Variants in ZBTB41 observed in about 807,000 individuals in gnomAD.
The protein encoded by ZBTB41 is zinc finger and BTB domain containing 41, also known as zinc finger and BTB domain-containing protein 41.
ZBTB41 carries 42 observed loss-of-function variants against 87.6 expected under a neutral mutation model. The observed-to-expected ratio is 0.48, with a 90% CI of 0.37 to 0.62. The LOEUF (loss-of-function observed/expected upper bound fraction) is 0.62. ZBTB41 is among the 20% of genes least tolerant of loss of function. The pLI is 0.00. For missense variants in ZBTB41, 799 were observed against 1,078.9 expected (o/e 0.74, Z 3.63); for synonymous variants, 364 against 364.0 (o/e 1.00, Z 0.00).
In ZBTB41 at chr1:197,200,527, TAAAGG is replaced by T; in HGVS notation, c.-59_-55del. ...CTTCATAAGTGTCTTAAGTGATTTA[TAAAGG>T]AAAACTAGATTGTCTTGGATAACAG... is the stretch of plus-strand genomic sequence containing the variant. On this transcript the variant is annotated 5_prime_UTR_variant, in exon 2 of 11. Coordinates refer to ENST00000367405, the MANE Select transcript of ZBTB41 (RefSeq NM_194314.3). 4.0e-6 allele frequency: 6 copies of T among 1,494,532 alleles called. No individual in the cohort carries two copies. The highest frequency in any genetic ancestry group is 5.3e-6 in the Non-Finnish European group (6 of 1,124,640). The allele number at this position is 1,494,532 out of a possible 1,614,324, so 92.6% of individuals were successfully genotyped here.
rs1344296587 is a variant in ZBTB41, at chr1:197,190,850, A to C, written c.1329-19T>G. ...ATGAAATCTATCAGAGGAAAAGAAAAAGATTATTAGGAAAAGGTTATATTA... is the reference window on the plus strand; with the variant it reads ...ATGAAATCTATCAGAGGAAAAGAAACAGATTATTAGGAAAAGGTTATATTA... On this transcript the variant is annotated intron_variant, in intron 3 of 10. Transcript: ENST00000367405. 7.4e-6 allele frequency: 11 copies of C among 1,491,956 alleles called. No individual in the cohort carries two copies. The highest frequency in any genetic ancestry group is 1.0e-5 in the Non-Finnish European group (11 of 1,085,686). 92.4% of individuals were successfully genotyped at this position (1,491,956 alleles called of 1,614,324 possible).
intron 8 of ZBTB41, among the ~76,000 whole-genome samples, chr1:197,176,191 C>T (rs1184132015): frequency 6.6e-6 from 1 of 151,972 alleles, no homozygotes; most frequent in Middle Eastern, 3.2e-3. Context: ...TAAGTTTCAC[C>T]AACTTCTTCT....
intron 10 of ZBTB41, among the ~76,000 whole-genome samples, chr1:197,166,562 T>G (rs1444690967): frequency 6.6e-6 from 1 of 151,962 alleles, no homozygotes; most frequent in Non-Finnish European, 1.5e-5. Context: ...AATCTTTAAT[T>G]AGGCCCAGCA....
Position 197,157,364 on chromosome 1 carries a change from T to C in ZBTB41, c.*1995A>G, listed in dbSNP as rs1659090008. The C allele has an allele frequency of 6.6e-6, 1 of 151,742 alleles. No homozygotes were observed. The allele number at this position is 151,742 out of a possible 1,614,324, so 9.4% of individuals were successfully genotyped here. On this transcript the variant is annotated 3_prime_UTR_variant, in exon 11 of 11. Coordinates refer to ENST00000367405, the MANE Select transcript of ZBTB41 (RefSeq NM_194314.3). The stretch of plus-strand genomic sequence containing the variant: ...TCTGCCTTTTTATAAGTCTAAACTT[T>C]TCTACATTAGCTTATATGTAAGGCA...
chr1:197,160,987 T>C (rs1398770308), intron 10 of ZBTB41, among the ~76,000 whole-genome samples: 1 of 152,098 alleles, frequency 6.6e-6, no homozygotes, highest in African/African-American at 2.4e-5. Flanking sequence ...CTATAAGATG[T>C]GAAAGGCTCT....
rs1480474337 is a variant in ZBTB41 at position 197,158,575 on chromosome 1, C to T, written c.*784G>A. On this transcript the variant is annotated 3_prime_UTR_variant, in exon 11 of 11. Coordinates refer to ENST00000367405, the MANE Select transcript of ZBTB41 (RefSeq NM_194314.3). ...TAGTAAAGTACAAAAGGTGAACTTA[C>T]CTTGAAAAACATCTAGTTAAAACTC... 1 of 152,206 alleles carries T rather than the reference C, an allele frequency of 6.6e-6. No homozygotes were observed. Among genetic ancestry groups the T allele is most frequent in the Non-Finnish European group, 1.5e-5 (1 of 67,926 alleles). The allele number at this position is 152,206 out of a possible 1,614,324, so 9.4% of individuals were successfully genotyped here. A position where few individuals can be genotyped will look rare whatever the true frequency, so the allele number is the denominator to read the frequency against.
At chr1:197,168,073 G>A (rs1254003633) in intron 10 of ZBTB41, among the ~76,000 whole-genome samples, 2 of 151,846 alleles carry the variant, frequency 1.3e-5, no homozygotes, top group Non-Finnish European at 2.9e-5. Flanking sequence ...CAAGGTCACT[G>A]GATAAAAAGT....
rs941424093 is a variant in ZBTB41, at chr1:197,201,236, C to A, written c.-131G>T. On this transcript the variant is annotated 5_prime_UTR_variant, in exon 1 of 11. Coordinates refer to ENST00000367405, the MANE Select transcript of ZBTB41 (RefSeq NM_194314.3). ...CAGATCCATTACCGGGAACCCAAGG[C>A]TCCCCCGCTGGCTCCCAGCAGCTGA... 1.3e-5 allele frequency among the ~76,000 whole-genome samples: 2 copies of A among 152,236 alleles called. No individual in the cohort carries two copies. Among genetic ancestry groups the A allele is most frequent in the Non-Finnish European group, 2.9e-5 (2 of 68,042 alleles).
At chr1:197,177,950 CTT>C (rs1571656370) in intron 7 of ZBTB41, among the ~76,000 whole-genome samples, 1 of 151,918 alleles carries the variant, frequency 6.6e-6, no homozygotes, top group Non-Finnish European at 1.5e-5. Flanking sequence ...TAGAAAAAAA[CTT>C]TTCATAAACT....
intron 4 of ZBTB41, 137 bp from the exon 5 acceptor site, chr1:197,188,576 C>A (rs1571664827): frequency 3.6e-6 from 3 of 842,036 alleles, no homozygotes; most frequent in Non-Finnish European, 5.2e-6. Context: ...AAGTAAAATT[C>A]AATTCTAATT....
At chr1:197,197,644 C>T (rs758592949) in intron 2 of ZBTB41, among the ~76,000 whole-genome samples, 1 of 151,902 alleles carries the variant, frequency 6.6e-6, no homozygotes, top group Non-Finnish European at 1.5e-5. Context: ...TAAATCAGCA[C>T]CTCAATCTTG....
chr1:197,172,115 C>G, intron 10 of ZBTB41, 45 bp downstream of exon 10: 3 of 756,684 alleles, frequency 4.0e-6, no homozygotes, highest in Non-Finnish European at 5.7e-6. Context: ...CTATATATAT[C>G]TCTCTCTATA....
At chr1:197,180,333 G>A (rs889051094) in intron 6 of ZBTB41, among the ~76,000 whole-genome samples, 1 of 152,066 alleles carries the variant, frequency 6.6e-6, no homozygotes, top group Non-Finnish European at 1.5e-5. Flanking sequence ...CTCTATATTT[G>A]TGTGATGACA....
In ZBTB41 at chr1:197,189,227, A is replaced by G. The variant is rs188091271; in HGVS notation, c.1399-788T>C. Among the ~76,000 whole-genome samples the G allele has an allele frequency of 9.8e-5, 15 of 152,292 alleles. No homozygotes were observed. The East Asian group carries it at 2.9e-3, about 29-fold the overall frequency. On this transcript the variant is annotated intron_variant, in intron 4 of 10. Transcript: ENST00000367405. The stretch of plus-strand genomic sequence containing the variant: ...AAATAACAGCTAGGGATGCCTTAAA[A>G]AAGATTAACCTAGGCTGGGCACAGC...
chr1:197,177,494 G>T (rs1050760487), intron 7 of ZBTB41, among the ~76,000 whole-genome samples: 2 of 152,052 alleles, frequency 1.3e-5, no homozygotes, highest in Admixed American at 1.3e-4. Flanking sequence ...AAATAATGGA[G>T]AATCTGTCCT....
rs1216027198 is a variant in ZBTB41, at chr1:197,159,817, T to C, written c.2272A>G (p.Thr758Ala). ...EIKSPDDPLS[T>A]SEEKLVSLPV... is the part of the protein sequence containing the mutation. ...AAGGATACAAGTTTTTCCTCAGAAG[T>C]ACTGAGAGGATCATCAGGAGATTTT... The change falls in exon 11 of 11, where the codon ACT becomes GCT. Residue 758 changes from threonine to alanine, a missense_variant. Thr to Ala is a moderately conservative substitution (Grantham distance 58, BLOSUM62 0). Transcript: ENST00000367405. 2 of 1,614,010 alleles carry C rather than the reference T, an allele frequency of 1.2e-6. No individual in the cohort carries two copies. The highest frequency in any genetic ancestry group is 1.7e-6 in the Non-Finnish European group (2 of 1,179,910).
At chr1:197,180,683 C>T (rs1659722913) in intron 6 of ZBTB41, among the ~76,000 whole-genome samples, 1 of 148,410 alleles carries the variant, frequency 6.7e-6, no homozygotes, top group South Asian at 2.1e-4. Context: ...TGTTACATTT[C>T]TGTTCTCCCT....
chr1:197,190,078 C>T (rs1013989242), intron 4 of ZBTB41, among the ~76,000 whole-genome samples: 1 of 152,068 alleles, frequency 6.6e-6, no homozygotes, highest in Admixed American at 6.6e-5. Flanking sequence ...GCCACCATGC[C>T]CAGCTAATTT....
At chr1:197,173,345 T>C (rs2125128397) in intron 9 of ZBTB41, among the ~76,000 whole-genome samples, 2 of 152,240 alleles carry the variant, frequency 1.3e-5, no homozygotes, top group Middle Eastern at 3.4e-3. Flanking sequence ...CCAACATTTA[T>C]AAGACAACAT....
Sources: gnomAD v4.1 joint callset for allele counts (sites outside exome capture counted in the v4.1 genomes callset) on GRCh38, gnomAD v4.1.1 for gene constraint, MANE v1.5 for transcripts, NCBI Gene and HGNC (gene_info 2026-07-23, HGNC 2026-07-21) for gene names.